The following MTNR1B variants were observed in gnomAD, a reference collection of about 807,000 sequenced individuals.
The protein encoded by MTNR1B is melatonin receptor 1B.
A neutral mutation model predicts 7.0 loss-of-function variants in MTNR1B; 7 were observed. That is an observed-to-expected ratio of 1.00 (90% confidence interval 0.57 to 1.88). The LOEUF is 1.88. MTNR1B is among the 40% of genes most tolerant of loss of function. The probability of loss-of-function intolerance (pLI) is 0.00; values close to 1 mark genes in which losing one functional copy is unlikely to be tolerated. For missense variants in MTNR1B, 478 were observed against 486.5 expected, an observed-to-expected ratio of 0.98 and a Z score of 0.16; for synonymous variants, 226 against 208.2, an observed-to-expected ratio of 1.09 and a Z score of -0.74.
In MTNR1B at chr11:92,981,923, G is replaced by A. The variant is rs138111148; in HGVS notation, c.700G>A (p.Ala234Thr). The A allele has an allele frequency of 3.8e-4, 617 of 1,614,096 alleles. No homozygotes were observed. The highest frequency in any genetic ancestry group is 4.9e-4 in the Non-Finnish European group (575 of 1,180,054). The change falls in exon 2 of 2, where the codon GCC (alanine) becomes ACC (threonine). Residue 234 changes from alanine (A) to threonine (T), a missense_variant. By Grantham distance (58) the Ala-to-Thr change is moderately conservative. Transcript: ENST00000257068. ...WVLVLQARRK[A>T]KPESRLCLKP... ...GCTGGTGCTTCAGGCCCGCAGGAAA[G>A]CCAAGCCAGAGAGCAGGCTGTGCCT...
intron 1 of MTNR1B, among the ~76,000 whole-genome samples, chr11:92,972,175 G>C (rs527456657): frequency 8.5e-5 from 13 of 152,342 alleles, no homozygotes; most frequent in Non-Finnish European, 1.8e-4. Context: ...GAAGAGTTTG[G>C]ATTTAATTTA....
chr11:92,977,461 T>C (rs1858027629), intron 1 of MTNR1B, among the ~76,000 whole-genome samples: 1 of 152,254 alleles, frequency 6.6e-6, no homozygotes, highest in Non-Finnish European at 1.5e-5. Flanking sequence ...GTGATTATTG[T>C]TATTTCTCAT....
At chr11:92,977,728 T>A (rs1858032244) in intron 1 of MTNR1B, among the ~76,000 whole-genome samples, 1 of 152,264 alleles carries the variant, frequency 6.6e-6, no homozygotes, top group South Asian at 2.1e-4. Flanking sequence ...AACAGTTCCA[T>A]GGGCATCTCA....
chr11:92,983,402 A>G (rs1858151273), downstream of MTNR1B, among the ~76,000 whole-genome samples: 1 of 151,814 alleles, frequency 6.6e-6, no homozygotes, highest in Non-Finnish European at 1.5e-5. Context: ...GGTCCTAACT[A>G]CTCAGGAGGC....
chr11:92,975,835 C>T (rs1025868045), intron 1 of MTNR1B, among the ~76,000 whole-genome samples: 11 of 152,172 alleles, frequency 7.2e-5, no homozygotes, highest in Non-Finnish European at 1.5e-4. Flanking sequence ...ATCCTACCAC[C>T]GACCACTCAT....
downstream of MTNR1B, chr11:92,984,946 G>A (rs765518540): frequency 5.3e-5 from 24 of 456,022 alleles, 1 homozygote; most frequent in South Asian, 3.7e-4. Flanking sequence ...TGCGGAAACA[G>A]CAAAATTTGG....
intron 1 of MTNR1B, among the ~76,000 whole-genome samples, chr11:92,975,016 G>C (rs1384284924): frequency 6.6e-6 from 1 of 152,202 alleles, no homozygotes; most frequent in African/African-American, 2.4e-5. Flanking sequence ...GGGATGACAG[G>C]TGTGAGCCAC....
rs1562443 is a variant in MTNR1B at position 92,982,445 on chromosome 11, C to G, written c.*133C>G. On this transcript the variant is annotated 3_prime_UTR_variant, in exon 2 of 2. Transcript: ENST00000257068. ...CATCACAGCCCCAAGGCTGGGGGAA[C>G]TTCATGCTGGGACAAGCAGCCCATC... The G allele has an allele frequency of 3.5e-3, 3,954 of 1,138,496 alleles. 115 individuals are homozygous for G. The African/African-American group carries it at 0.049, about 14-fold the overall frequency. 70.5% of individuals were successfully genotyped at this position (1,138,496 alleles called of 1,614,324 possible). A position where few individuals can be genotyped will look rare whatever the true frequency, so the allele number is the denominator to read the frequency against.
chr11:92,973,051 C>G (rs1217761136), intron 1 of MTNR1B, among the ~76,000 whole-genome samples: 1 of 152,070 alleles, frequency 6.6e-6, no homozygotes, highest in Non-Finnish European at 1.5e-5. Flanking sequence ...GGAAATGTTC[C>G]TCTGTGCTGT....
At chr11:92,970,034 C>G in intron 1 of MTNR1B, 86 bp downstream of exon 1, 1 of 1,375,592 alleles carries the variant, frequency 7.3e-7, no homozygotes, top group Non-Finnish European at 9.5e-7. Context: ...TATGCGCTGC[C>G]TTTTCCCTCC....
intron 1 of MTNR1B, among the ~76,000 whole-genome samples, chr11:92,979,584 A>G (rs1266942732): frequency 1.3e-5 from 2 of 152,190 alleles, no homozygotes; most frequent in Non-Finnish European, 1.5e-5. Context: ...CAATCTTGAG[A>G]CAGGGAAACT....
At chr11:92,970,022 G>C (rs1337480206) in intron 1 of MTNR1B, 74 bp downstream of exon 1, 4 of 1,406,508 alleles carry the variant, frequency 2.8e-6, no homozygotes, top group Non-Finnish European at 3.8e-6. Context: ...CTGACCCCGG[G>C]ATATGCGCTG....
chr11:92,983,752 T>C (rs1313859836), downstream of MTNR1B, among the ~76,000 whole-genome samples: 2 of 152,204 alleles, frequency 1.3e-5, no homozygotes, highest in Non-Finnish European at 2.9e-5. Context: ...AGGACTGGTT[T>C]GTTGCCTGCC....
chr11:92,981,958 C>A lies in MTNR1B; in HGVS notation c.735C>A (p.Ser245Arg). Residue 245 changes from serine (S) to arginine (R), a missense_variant, in exon 2 of 2, where the codon AGC (serine) becomes AGA (arginine). Transcript: ENST00000257068. ...KPESRLCLKP[S>R]DLRSFLTMFV... Reference sequence around the variant, plus strand: ...AGAGCAGGCTGTGCCTGAAGCCCAGCGACTTGCGGAGCTTTCTAACCATGT... The same window carrying A: ...AGAGCAGGCTGTGCCTGAAGCCCAGAGACTTGCGGAGCTTTCTAACCATGT... 6.2e-7 allele frequency: 1 copy of A among 1,614,250 alleles called. No individual in the cohort carries two copies. The highest frequency in any genetic ancestry group is 8.5e-7 in the Non-Finnish European group (1 of 1,180,050).
chr11:92,975,543 T>C (rs974431938), intron 1 of MTNR1B, among the ~76,000 whole-genome samples: 2 of 152,176 alleles, frequency 1.3e-5, no homozygotes, highest in Non-Finnish European at 2.9e-5. Flanking sequence ...TCACACCATC[T>C]CCTATCCAGA....
At chr11:92,970,594 A>T (rs530202346) in intron 1 of MTNR1B, among the ~76,000 whole-genome samples, 1 of 152,332 alleles carries the variant, frequency 6.6e-6, no homozygotes, top group African/African-American at 2.4e-5. Context: ...AATTAAAGCA[A>T]TGATTTGGCT....
chr11:92,970,028 C>A lies in MTNR1B; in HGVS notation c.223+80C>A, dbSNP rs963892986. 11 of 1,393,206 alleles carry A rather than the reference C, an allele frequency of 7.9e-6. No individual in the cohort carries two copies. In the African/African-American group the frequency reaches 1.6e-4, roughly 20 times the overall value. 86.3% of individuals were successfully genotyped at this position (1,393,206 alleles called of 1,614,324 possible). A position where few individuals can be genotyped will look rare whatever the true frequency, so the allele number is the denominator to read the frequency against. ...ATCTTGTCCCTGACCCCGGGATATGCGCTGCCTTTTCCCTCCTCAGCCCGG... is the reference window on the plus strand; with the variant it reads ...ATCTTGTCCCTGACCCCGGGATATGAGCTGCCTTTTCCCTCCTCAGCCCGG... On this transcript the variant is annotated intron_variant, in intron 1 of 1. Transcript: ENST00000257068.
chr11:92,971,529 C>T (rs76371840), intron 1 of MTNR1B, among the ~76,000 whole-genome samples: 2,436 of 152,266 alleles, frequency 0.016, 78 homozygotes, highest in African/African-American at 0.057. Flanking sequence ...ACATTCATTT[C>T]CAGCACAGGG....
chr11:92,984,663 C>T, downstream of MTNR1B: 1 of 299,722 alleles, frequency 3.3e-6, no homozygotes, highest in Non-Finnish European at 6.6e-6. Context: ...CCCTATCTTT[C>T]AGTGCTGAGT....
Sources: gnomAD v4.1 joint callset for allele counts (sites outside exome capture counted in the v4.1 genomes callset) on GRCh38, gnomAD v4.1.1 for gene constraint, MANE v1.5 for transcripts, NCBI Gene and HGNC (gene_info 2026-07-23, HGNC 2026-07-21) for gene names.